Variants in XXYLT1 observed in about 807,000 individuals in gnomAD.
XXYLT1 encodes the protein xyloside xylosyltransferase 1.
XXYLT1 carries 20 observed loss-of-function variants against 28.9 expected under a neutral mutation model. That is an observed-to-expected ratio of 0.69 (90% confidence interval 0.49 to 1.00). The LOEUF is 1.00. Ranked by LOEUF, XXYLT1 falls within the 50% of genes least tolerant of loss-of-function variation. XXYLT1 has a pLI of 0.00. For missense variants in XXYLT1, 542 were observed against 560.1 expected (o/e 0.97, Z 0.33); for synonymous variants, 257 against 253.8 (o/e 1.01, Z -0.12).
intron 1 of XXYLT1, among the ~76,000 whole-genome samples, chr3:195,228,486 CT>C (rs897820464): frequency 0.046 from 5,474 of 120,144 alleles, 96 homozygotes; most frequent in African/African-American, 0.11. Flanking sequence ...CTATATTTCA[CT>C]TTTTTTTTTT....
At chr3:195,193,497 T>A (rs1306162065) in intron 2 of XXYLT1, among the ~76,000 whole-genome samples, 1 of 152,200 alleles carries the variant, frequency 6.6e-6, no homozygotes, top group African/African-American at 2.4e-5. Flanking sequence ...TGTAAATTAC[T>A]ATCAAAATCC....
chr3:195,085,930 G>A (rs534820136), intron 3 of XXYLT1: 1 of 152,288 alleles, frequency 6.6e-6, no homozygotes, highest in South Asian at 2.1e-4. Flanking sequence ...CAGGCCTTGC[G>A]GAGGCCAACA....
intron 2 of XXYLT1, among the ~76,000 whole-genome samples, chr3:195,156,842 T>C (rs914979165): frequency 5.3e-5 from 8 of 152,154 alleles, no homozygotes; most frequent in Non-Finnish European, 1.2e-4. Context: ...GACCACACGC[T>C]CCAGTGTCGG....
chr3:195,143,839 T>C (rs1215296984), intron 3 of XXYLT1, among the ~76,000 whole-genome samples: 1 of 88,684 alleles, frequency 1.1e-5, no homozygotes, highest in African/African-American at 5.5e-5. Context: ...TAGATATAGA[T>C]ATAGATATAT....
At position 195,149,523 on chromosome 3, in the gene XXYLT1, C is replaced by T. The variant is rs145320681; in HGVS notation, c.785+6926G>A. On this transcript the variant is annotated intron_variant, in intron 3 of 3. Coordinates refer to ENST00000310380, the MANE Select transcript of XXYLT1 (RefSeq NM_152531.5). ...TAGCAGGGACCAAACACCCCACGCA[C>T]GGGGGAAAGTGGAAGCCAGGCTCAG... Among the ~76,000 whole-genome samples the T allele has an allele frequency of 7.4e-3, 1,131 of 152,246 alleles. 8 individuals carry two copies. The highest frequency in any genetic ancestry group is 0.026 in the African/African-American group (1,077 of 41,518).
intron 3 of XXYLT1, among the ~76,000 whole-genome samples, chr3:195,114,997 C>A (rs1406065675): frequency 6.6e-6 from 1 of 152,198 alleles, no homozygotes; most frequent in Admixed American, 6.5e-5. Context: ...GCAGGCCCCA[C>A]CCGTTCCACT....
chr3:195,226,955 A>G, intron 1 of XXYLT1, 99 bp from the exon 2 acceptor site: 1 of 1,431,052 alleles, frequency 7.0e-7, no homozygotes, highest in South Asian at 1.3e-5. Flanking sequence ...AGAGGCAGAC[A>G]GTGCCTCTCC....
intron 1 of XXYLT1, chr3:195,260,147 G>C (rs1725631617): frequency 6.6e-6 from 1 of 151,662 alleles, no homozygotes; most frequent in African/African-American, 2.4e-5. Context: ...CAGGCTTGGG[G>C]GCTGCAGCCG....
intron 1 of XXYLT1, among the ~76,000 whole-genome samples, chr3:195,233,906 T>C (rs1177489556): frequency 1.3e-5 from 2 of 152,128 alleles, no homozygotes; most frequent in African/African-American, 4.8e-5. Context: ...TAAATCCCTT[T>C]AGCATTTTTG....
chr3:195,237,108 G>A (rs1010318460), intron 1 of XXYLT1, among the ~76,000 whole-genome samples: 4 of 152,308 alleles, frequency 2.6e-5, no homozygotes, highest in African/African-American at 9.6e-5. Flanking sequence ...TGTCTCATTA[G>A]GTCATGTAAC....
At chr3:195,198,077 C>G (rs1722704090) in intron 2 of XXYLT1, among the ~76,000 whole-genome samples, 1 of 152,212 alleles carries the variant, frequency 6.6e-6, no homozygotes, top group Non-Finnish European at 1.5e-5. Flanking sequence ...GAAGATAATC[C>G]AATAACCACT....
At chr3:195,101,014 C>A (rs769599958) in intron 3 of XXYLT1, among the ~76,000 whole-genome samples, 10 of 152,276 alleles carry the variant, frequency 6.6e-5, no homozygotes, top group Non-Finnish European at 1.5e-4. Context: ...GCTATAGGTT[C>A]CACAGAGCGG....
rs1389000188 is a variant in XXYLT1, at chr3:195,110,280, GGGGTGTA to G, written c.786-40176_786-40170del. Among the ~76,000 whole-genome samples, 9 of 87,724 alleles carry G rather than the reference GGGGTGTA, an allele frequency of 1.0e-4. 1 individual carries two copies. Among genetic ancestry groups the G allele is most frequent in the African/African-American group, 2.3e-4 (5 of 21,314 alleles). The allele number at this position is 87,724 out of a possible 152,430, so 57.6% of individuals were successfully genotyped here. A position where few individuals can be genotyped will look rare whatever the true frequency, so the allele number is the denominator to read the frequency against. On this transcript the variant is annotated intron_variant, in intron 3 of 3. Transcript: ENST00000310380. ...GTGTGTGTGGGTGTGTGGTGTGTGT[GGGGTGTA>G]TGTGTGCGTGTGTGGTATATGTGTG... is the stretch of plus-strand genomic sequence containing the variant.
intron 1 of XXYLT1, among the ~76,000 whole-genome samples, chr3:195,236,063 G>A (rs1411884670): frequency 6.6e-6 from 1 of 152,142 alleles, no homozygotes; most frequent in Non-Finnish European, 1.5e-5. Flanking sequence ...ACACCACTGA[G>A]TTTTGCCCGA....
At position 195,270,436 on chromosome 3, in the gene XXYLT1, G is replaced by C. The variant is rs546886890; in HGVS notation, c.504+119C>G. ...AGGTTGTGAACACTACATTGCAAGC[G>C]GGCAGCTCAGGGAAGATCCTACCCG... On this transcript the variant is annotated intron_variant, in intron 1 of 3. Transcript: ENST00000310380. 59 of 1,336,108 alleles carry C rather than the reference G, an allele frequency of 4.4e-5. No individual in the cohort carries two copies. The East Asian group carries it at 1.6e-3, about 37-fold the overall frequency. The allele number at this position is 1,336,108 out of a possible 1,614,324, so 82.8% of individuals were successfully genotyped here.
intron 2 of XXYLT1, among the ~76,000 whole-genome samples, chr3:195,179,080 G>A (rs994023051): frequency 1.3e-5 from 2 of 152,064 alleles, no homozygotes; most frequent in Admixed American, 6.5e-5. Flanking sequence ...GGTGGCTCAC[G>A]CCTGTAATCC....
At chr3:195,112,763 GCA>G (rs140157095) in intron 3 of XXYLT1, among the ~76,000 whole-genome samples, 18 of 146,736 alleles carry the variant, frequency 1.2e-4, no homozygotes, top group African/African-American at 3.1e-4. Flanking sequence ...GTGCGCGCAT[GCA>G]CACACACACA....
At chr3:195,160,475 T>A (rs1210966580) in intron 2 of XXYLT1, among the ~76,000 whole-genome samples, 4 of 152,204 alleles carry the variant, frequency 2.6e-5, no homozygotes, top group Non-Finnish European at 5.9e-5. Context: ...GCTATGTGAC[T>A]CCAGCGTCCT....
At position 195,133,324 on chromosome 3, in the gene XXYLT1, G is replaced by A. The variant is rs949324318; in HGVS notation, c.785+23125C>T. On this transcript the variant is annotated intron_variant, in intron 3 of 3. Transcript: ENST00000310380. This position sits in a 1 kb window ranked among gnomAD's most constrained non-coding sequence, Gnocchi z 4.4. ...AGCTGACATCGGCAGGTGGATAACT[G>A]AGCCAGCCCTTGGGGTGGGGAGTGG... Among the ~76,000 whole-genome samples, 6 of 152,164 alleles carry A rather than the reference G, an allele frequency of 3.9e-5. No individual in the cohort carries two copies. Among genetic ancestry groups the A allele is most frequent in the South Asian group, 4.1e-4 (2 of 4,828 alleles).
Sources: allele counts gnomAD v4.1 joint callset (sites outside exome capture counted in the v4.1 genomes callset), GRCh38; gene constraint gnomAD v4.1.1; non-coding constraint Gnocchi (gnomAD v3.1); transcripts MANE v1.5; gene names NCBI Gene and HGNC (gene_info 2026-07-23, HGNC 2026-07-21).